Variants in PROM1 observed in about 807,000 individuals in gnomAD.
PROM1 encodes prominin 1.
Under a neutral mutation model 116.9 loss-of-function variants are expected in PROM1, and 105 were observed. The ratio of observed to expected loss-of-function variants is 0.90; its 90% CI spans 0.77 to 1.06. PROM1 has a LOEUF of 1.06. PROM1 is among the 50% of genes least tolerant of loss of function. PROM1 has a pLI of 0.00. For synonymous variants in PROM1, 393 were observed against 387.0 expected, an observed-to-expected ratio of 1.02 and a Z score of -0.18; for missense variants, 1,122 against 1,045.2, an observed-to-expected ratio of 1.07 and a Z score of -1.01.
At chr4:15,979,822 A>C in intron 25 of PROM1, 59 bp downstream of exon 25, 1 of 1,338,546 alleles carries the variant, frequency 7.5e-7, no homozygotes, top group Non-Finnish European at 1.0e-6. Flanking sequence ...AGTCCATTAC[A>C]TAATAATATC....
intron 13 of PROM1, chr4:16,003,280 T>G (rs1477777758): frequency 8.8e-6 from 4 of 456,608 alleles, no homozygotes; most frequent in Non-Finnish European, 1.8e-5. Context: ...TGCTTCACTA[T>G]CATAACTAAT....
At chr4:15,980,038 TA>T (rs1717370867) in intron 24 of PROM1, 134 bp from the exon 25 acceptor site, 1 of 636,588 alleles carries the variant, frequency 1.6e-6, no homozygotes, top group South Asian at 2.0e-5. Context: ...TGTTGAAAGA[TA>T]AGTGAAGTGA....
chr4:15,999,969 G>T (rs1023981689), intron 14 of PROM1, among the ~76,000 whole-genome samples: 5 of 152,176 alleles, frequency 3.3e-5, no homozygotes, highest in Non-Finnish European at 5.9e-5. Context: ...GGACTGAGAG[G>T]GAGAAAGCGA....
At chr4:15,970,427 C>T (rs564691779) in intron 27 of PROM1, among the ~76,000 whole-genome samples, 1 of 152,088 alleles carries the variant, frequency 6.6e-6, no homozygotes, top group Admixed American at 6.6e-5. Context: ...CCCGCCTCGG[C>T]CTCCCATAGT....
intron 18 of PROM1, 54 bp downstream of exon 18, chr4:15,991,168 T>C: frequency 6.9e-7 from 1 of 1,451,792 alleles, no homozygotes; most frequent in Non-Finnish European, 9.5e-7. Context: ...AGAATGGTAC[T>C]GACATTTGAC....
chr4:16,031,120 C>A (rs1010593383), intron 5 of PROM1, among the ~76,000 whole-genome samples: 1 of 152,170 alleles, frequency 6.6e-6, no homozygotes, highest in Admixed American at 6.6e-5. Context: ...AAATAAATAA[C>A]TACATTCAAT....
chr4:16,002,191 A>G (rs1724039495), intron 13 of PROM1, among the ~76,000 whole-genome samples: 1 of 152,172 alleles, frequency 6.6e-6, no homozygotes, highest in African/African-American at 2.4e-5. Flanking sequence ...CTGTTGCAGG[A>G]AAGTGTGGGG....
At chr4:16,070,931 A>G (rs1472718886) in intron 2 of PROM1, among the ~76,000 whole-genome samples, 4 of 152,168 alleles carry the variant, frequency 2.6e-5, no homozygotes, top group East Asian at 1.9e-4. Context: ...CCCTACATCA[A>G]TCGTGGCATC....
chr4:16,051,481 T>C (rs1440630696), intron 2 of PROM1, among the ~76,000 whole-genome samples: 1 of 152,176 alleles, frequency 6.6e-6, no homozygotes, highest in African/African-American at 2.4e-5. Context: ...ACTCTAAATA[T>C]CCATCGTCCT....
intron 8 of PROM1, among the ~76,000 whole-genome samples, chr4:16,021,187 G>A (rs6831535): frequency 0.77 from 115,158 of 149,398 alleles, 44,231 homozygotes; most frequent in Middle Eastern, 0.83. Flanking sequence ...ACTTATTCCA[G>A]CTGAATTAAA....
intron 26 of PROM1, among the ~76,000 whole-genome samples, chr4:15,972,360 T>A (rs1227964981): frequency 6.6e-6 from 1 of 152,220 alleles, no homozygotes; most frequent in Non-Finnish European, 1.5e-5. Context: ...AACCTGGTGC[T>A]GGCATCTGGT....
At chr4:16,043,251 T>C (rs751658802) in intron 2 of PROM1, among the ~76,000 whole-genome samples, 1 of 152,178 alleles carries the variant, frequency 6.6e-6, no homozygotes, top group Non-Finnish European at 1.5e-5. Context: ...AGTCAACAGA[T>C]AATCCAGCTT....
At chr4:16,010,326 A>G (rs1443802256) in intron 11 of PROM1, among the ~76,000 whole-genome samples, 1 of 152,124 alleles carries the variant, frequency 6.6e-6, no homozygotes, top group Admixed American at 6.5e-5. Flanking sequence ...GGACATACTA[A>G]GAACACACTA....
At chr4:15,998,832 C>A (rs1292198253) in intron 14 of PROM1, among the ~76,000 whole-genome samples, 3 of 152,088 alleles carry the variant, frequency 2.0e-5, no homozygotes, top group Non-Finnish European at 4.4e-5. Context: ...TCTCCAGTCT[C>A]AGCCTCCCGA....
chr4:15,971,220 G>C (rs1455522409), intron 26 of PROM1, 138 bp from the exon 27 acceptor site: 6 of 634,504 alleles, frequency 9.5e-6, no homozygotes, highest in Non-Finnish European at 1.6e-5. Context: ...TTATCAAGAA[G>C]AATGTGTCAG....
intron 2 of PROM1, among the ~76,000 whole-genome samples, chr4:16,051,341 C>T (rs917331397): frequency 6.6e-6 from 1 of 152,176 alleles, no homozygotes; most frequent in Non-Finnish European, 1.5e-5. Context: ...GGCTGTGTGG[C>T]CTTGGGCAGG....
At chr4:16,080,242 C>T (rs990403247) in intron 1 of PROM1, among the ~76,000 whole-genome samples, 2 of 151,446 alleles carry the variant, frequency 1.3e-5, no homozygotes, top group Admixed American at 6.6e-5. Context: ...AAATATGGCC[C>T]GGGCGTGGTG....
At chr4:16,044,481 T>C (rs1736051809) in intron 2 of PROM1, among the ~76,000 whole-genome samples, 1 of 152,228 alleles carries the variant, frequency 6.6e-6, no homozygotes, top group African/African-American at 2.4e-5. Context: ...AGTGCCTCTC[T>C]GCGGAGAGAC....
At chr4:15,969,956 G>A (rs1713997052) in intron 27 of PROM1, among the ~76,000 whole-genome samples, 1 of 151,952 alleles carries the variant, frequency 6.6e-6, no homozygotes, top group South Asian at 2.1e-4. Context: ...TTGTTTGTTT[G>A]TTTAGAGATA....
Sources: allele counts gnomAD v4.1 joint callset (sites outside exome capture counted in the v4.1 genomes callset), GRCh38; gene constraint gnomAD v4.1.1; transcripts MANE v1.5; gene names NCBI Gene and HGNC (gene_info 2026-07-23, HGNC 2026-07-21).